The following SERPINB8 variants were observed in gnomAD, a reference collection of about 807,000 sequenced individuals.
SERPINB8 encodes the protein serpin family B member 8, also known as serpin B8.
A neutral mutation model predicts 35.3 loss-of-function variants in SERPINB8; 25 were observed. The ratio of observed to expected loss-of-function variants is 0.71; its 90% CI spans 0.52 to 0.99. The LOEUF (loss-of-function observed/expected upper bound fraction) is 0.99. SERPINB8 is among the 50% of genes least tolerant of loss of function. The probability of loss-of-function intolerance (pLI) is 0.00; values close to 1 mark genes in which losing one functional copy is unlikely to be tolerated. For synonymous variants in SERPINB8, 186 were observed against 160.8 expected (o/e 1.16, Z -1.19); for missense variants, 484 against 446.5 (o/e 1.08, Z -0.76).
At chr18:64,000,794 C>T (rs763260121) in intron 1 of SERPINB8, among the ~76,000 whole-genome samples, 2 of 152,204 alleles carry the variant, frequency 1.3e-5, no homozygotes, top group African/African-American at 4.8e-5. Flanking sequence ...CCCCTGCCCC[C>T]ACAAATGAAT....
intron 1 of SERPINB8, among the ~76,000 whole-genome samples, chr18:63,976,832 C>A (rs976528341): frequency 6.6e-6 from 1 of 152,056 alleles, no homozygotes; most frequent in Admixed American, 6.5e-5. Flanking sequence ...TATGGACTTT[C>A]TTTGCAACTC....
rs937709317 is a variant in SERPINB8 at position 63,985,389 on chromosome 18, A to G, written c.720+144A>G. The stretch of plus-strand genomic sequence containing the variant: ...GGTGAACATCATTGTGTGTCTTTTG[A>G]TGAACATGTTCATGCATTTCTGTTG... On this transcript the variant is annotated intron_variant, in intron 6 of 6. Transcript: ENST00000397985. The G allele has an allele frequency of 8.2e-6, 7 of 856,006 alleles. No homozygotes were observed. The Admixed American group carries it at 1.9e-4, about 24-fold the overall frequency. The allele number at this position is 856,006 out of a possible 1,614,324, so 53.0% of individuals were successfully genotyped here. A position where few individuals can be genotyped will look rare whatever the true frequency, so the allele number is the denominator to read the frequency against.
At chr18:63,973,497 T>C (rs1184314082) in intron 1 of SERPINB8, among the ~76,000 whole-genome samples, 1 of 152,224 alleles carries the variant, frequency 6.6e-6, no homozygotes, top group Non-Finnish European at 1.5e-5. Context: ...TTAGTTTAAT[T>C]AGATCCCATT....
intron 1 of SERPINB8, among the ~76,000 whole-genome samples, chr18:64,000,297 C>G (rs1323774632): frequency 6.6e-6 from 1 of 152,202 alleles, no homozygotes; most frequent in Non-Finnish European, 1.5e-5. Flanking sequence ...CTGGCTCAGA[C>G]TAATTACCGG....
At position 63,987,298 on chromosome 18, in the gene SERPINB8, A is replaced by G. The variant is rs761428069; in HGVS notation, c.*20A>G. On this transcript the variant is annotated 3_prime_UTR_variant, in exon 7 of 7. Coordinates refer to ENST00000397985, the MANE Select transcript of SERPINB8 (RefSeq NM_002640.4). ...CCGTAAAGAGGAGCAATTGCTGTAC[A>G]TACCCTCCTTTCCTTCTACCTATCT... 3.1e-6 allele frequency: 5 copies of G among 1,588,308 alleles called. No individual in the cohort carries two copies. The highest frequency in any genetic ancestry group is 2.7e-5 in the African/African-American group (2 of 74,126).
At chr18:63,989,943 A>C (rs2050814053), downstream of SERPINB8, among the ~76,000 whole-genome samples, 1 of 80,058 alleles carries the variant, frequency 1.2e-5, no homozygotes, top group African/African-American at 6.4e-5. Context: ...ACTCTGTCTC[A>C]AAAAAAAAAA....
intron 1 of SERPINB8, among the ~76,000 whole-genome samples, chr18:63,972,786 A>G (rs1239173437): frequency 6.6e-6 from 1 of 152,098 alleles, no homozygotes; most frequent in Non-Finnish European, 1.5e-5. Context: ...GATGGTTTCC[A>G]GCTTCATCCA....
chr18:64,013,921 T>C (rs773750498), intron 7 of SERPINB8, among the ~76,000 whole-genome samples: 21 of 152,148 alleles, frequency 1.4e-4, no homozygotes, highest in Non-Finnish European at 2.9e-4. Flanking sequence ...GGCCGGTAGA[T>C]TTGGAACATC....
At chr18:63,984,085 G>T (rs751512657) in intron 5 of SERPINB8, among the ~76,000 whole-genome samples, 5 of 152,174 alleles carry the variant, frequency 3.3e-5, no homozygotes, top group Non-Finnish European at 5.9e-5. Flanking sequence ...GGCCTCAAGT[G>T]ATACACCTGC....
exon 2 of SERPINB8, chr18:64,005,570 T>A (rs1389876838): frequency 6.6e-6 from 1 of 152,226 alleles, no homozygotes; most frequent in African/African-American, 2.4e-5. Context: ...AAGCAGAGAA[T>A]AAGCCCTTAC....
At position 63,987,452 on chromosome 18, in the gene SERPINB8, G is replaced by C. The variant is rs771749542; in HGVS notation, c.*174G>C. The stretch of plus-strand genomic sequence containing the variant: ...AGAGCCATTGAGAATAACTGAGGCC[G>C]CAGATGCATGAAATTTGGGCCTGGG... On this transcript the variant is annotated 3_prime_UTR_variant, in exon 7 of 7. Coordinates refer to ENST00000397985, the MANE Select transcript of SERPINB8 (RefSeq NM_002640.4). 5.8e-6 allele frequency: 4 copies of C among 686,936 alleles called. No homozygotes were observed. Among genetic ancestry groups the C allele is most frequent in the Non-Finnish European group, 7.0e-6 (3 of 426,632 alleles). The allele number at this position is 686,936 out of a possible 1,614,324, so 42.6% of individuals were successfully genotyped here.
chr18:63,985,110 G>A lies in SERPINB8; in HGVS notation c.585G>A (p.Gln195=), dbSNP rs1166321268. ...TCCGTTAGGAAAAAAAGACAGTGCA[G>A]ATGATGTTTAAGGAAGCTAAGTTTA... ...FKTNEEKKTV[Q]MMFKEAKFKM... Residue 195 remains glutamine (Q), a synonymous_variant, in exon 6 of 7, where the codon CAG becomes CAA. Coordinates refer to ENST00000397985, the MANE Select transcript of SERPINB8 (RefSeq NM_002640.4). The A allele has an allele frequency of 6.2e-6, 10 of 1,614,040 alleles. No individual in the cohort carries two copies. Among genetic ancestry groups the A allele is most frequent in the Non-Finnish European group, 8.5e-6 (10 of 1,180,026 alleles).
intron 1 of SERPINB8, among the ~76,000 whole-genome samples, chr18:64,002,829 C>T (rs1382665832): frequency 6.6e-6 from 1 of 152,174 alleles, no homozygotes; most frequent in Admixed American, 6.5e-5. Flanking sequence ...TCGTGCCCCA[C>T]CGCCGCCTGC....
intron 1 of SERPINB8, among the ~76,000 whole-genome samples, chr18:63,977,451 C>T (rs1319278924): frequency 6.6e-6 from 1 of 151,992 alleles, no homozygotes; most frequent in Non-Finnish European, 1.5e-5. Context: ...CCTCAGCCTT[C>T]CAAGTAGCTG....
chr18:63,987,427 A>G lies in SERPINB8; in HGVS notation c.*149A>G. 1 of 838,528 alleles carries G rather than the reference A, an allele frequency of 1.2e-6. No homozygotes were observed. The highest frequency in any genetic ancestry group is 1.8e-6 in the Non-Finnish European group (1 of 548,914). The allele number at this position is 838,528 out of a possible 1,614,324, so 51.9% of individuals were successfully genotyped here. The stretch of plus-strand genomic sequence containing the variant: ...TGTGAAAGTCTTTGCTGAAAGTTCC[A>G]GAGCCATTGAGAATAACTGAGGCCG... On this transcript the variant is annotated 3_prime_UTR_variant, in exon 7 of 7. Coordinates refer to ENST00000397985, the MANE Select transcript of SERPINB8 (RefSeq NM_002640.4).
At chr18:63,997,549 G>T (rs2050856057) in intron 1 of SERPINB8, among the ~76,000 whole-genome samples, 1 of 152,168 alleles carries the variant, frequency 6.6e-6, no homozygotes, top group African/African-American at 2.4e-5. Flanking sequence ...CATTTACTAT[G>T]CTGGAATGAG....
chr18:63,996,733 C>G (rs9948769), intron 1 of SERPINB8, among the ~76,000 whole-genome samples: 25,113 of 152,240 alleles, frequency 0.16, 2,198 homozygotes, highest in Middle Eastern at 0.3. Flanking sequence ...CATTAACAGA[C>G]AGAGACCCCA....
downstream of SERPINB8, among the ~76,000 whole-genome samples, chr18:63,993,446 A>G (rs756239725): frequency 5.9e-5 from 9 of 152,212 alleles, no homozygotes; most frequent in Non-Finnish European, 1.3e-4. Context: ...CTTTTAAGAT[A>G]TTGAGATTTA....
At chr18:63,978,537 T>G in intron 2 of SERPINB8, 61 bp downstream of exon 2, 1 of 1,579,594 alleles carries the variant, frequency 6.3e-7, no homozygotes, top group Non-Finnish European at 8.6e-7. Flanking sequence ...TCCATACAGC[T>G]GTCTTTCTGT....
Sources: allele counts gnomAD v4.1 joint callset (sites outside exome capture counted in the v4.1 genomes callset), GRCh38; gene constraint gnomAD v4.1.1; transcripts MANE v1.5; gene names NCBI Gene and HGNC (gene_info 2026-07-23, HGNC 2026-07-21).